The following BCO1 variants were observed in gnomAD, a reference collection of about 807,000 sequenced individuals.
BCO1 encodes the protein beta,beta-carotene 15,15'-dioxygenase.
In BCO1, 54 loss-of-function variants were observed where a neutral mutation model predicts 56.3. The observed-to-expected ratio is 0.96, with a 90% CI of 0.77 to 1.20. The LOEUF is 1.20. Among genes scored for constraint, BCO1 ranks in the 50% most tolerant of loss-of-function variants. The pLI is 0.00. For missense variants in BCO1, 801 were observed against 690.9 expected (o/e 1.16, Z -1.79); for synonymous variants, 318 against 266.1 (o/e 1.20, Z -1.90).
In BCO1 at chr16:81,287,300, A is replaced by G. The variant is rs1388641693; in HGVS notation, c.1308A>G (p.Ile436Met). Reference protein sequence around the residue: ...VQWSPIPTKIIKYDILTKSSL... With the variant: ...VQWSPIPTKIMKYDILTKSSL... ...TTTCCTCGTTGGATGTACAGATAATAAAATATGACATTCTCACAAAGTCAT... is the reference window on the plus strand; with the variant it reads ...TTTCCTCGTTGGATGTACAGATAATGAAATATGACATTCTCACAAAGTCAT... The change falls in exon 10 of 11, where the codon ATA becomes ATG. Residue 436 changes from isoleucine to methionine, a missense_variant. By Grantham distance (10) the Ile-to-Met change is conservative. Coordinates refer to ENST00000258168, the MANE Select transcript of BCO1 (RefSeq NM_017429.3). The G allele has an allele frequency of 8.1e-6, 13 of 1,610,842 alleles. No individual in the cohort carries two copies. Among genetic ancestry groups the G allele is most frequent in the Non-Finnish European group, 1.1e-5 (13 of 1,177,122 alleles).
intron 6 of BCO1, 55 bp from the exon 7 acceptor site, chr16:81,270,104 A>C (rs1195752398): frequency 6.2e-7 from 1 of 1,610,492 alleles, no homozygotes; most frequent in Non-Finnish European, 8.5e-7. Context: ...CCCAGATGCC[A>C]CAGTGCCAGG....
intron 3 of BCO1, 142 bp downstream of exon 3, chr16:81,259,947 C>T (rs1345218102): frequency 7.6e-6 from 8 of 1,057,980 alleles, no homozygotes; most frequent in Middle Eastern, 2.8e-4. Flanking sequence ...AGAGGTGCTA[C>T]ACAGTTCTTG....
At position 81,262,319 on chromosome 16, in the gene BCO1, C is replaced by T. The variant is rs769062936; in HGVS notation, c.471+36C>T. 4 of 1,602,694 alleles carry T rather than the reference C, an allele frequency of 2.5e-6. No individual in the cohort carries two copies. In the Admixed American group the frequency reaches 5.0e-5, roughly 20 times the overall value. Reference sequence around the variant, plus strand: ...ATATGTAACCAGCATCACTTCCTGACTCAAGAAAGGGAGAGTCGGCGACGG... The same window carrying T: ...ATATGTAACCAGCATCACTTCCTGATTCAAGAAAGGGAGAGTCGGCGACGG... On this transcript the variant is annotated intron_variant, in intron 4 of 10. Coordinates refer to ENST00000258168, the MANE Select transcript of BCO1 (RefSeq NM_017429.3).
At chr16:81,271,770 G>C (rs1413091787) in intron 7 of BCO1, among the ~76,000 whole-genome samples, 2 of 152,032 alleles carry the variant, frequency 1.3e-5, no homozygotes, top group African/African-American at 4.8e-5. Context: ...TGTTTGTTTT[G>C]AGACAGTCTC....
intron 7 of BCO1, among the ~76,000 whole-genome samples, chr16:81,270,822 G>C (rs899812830): frequency 6.6e-6 from 1 of 151,676 alleles, no homozygotes; most frequent in African/African-American, 2.4e-5. Flanking sequence ...TCTGCTCGCT[G>C]CAAGCTCCAC....
chr16:81,256,699 C>G lies in BCO1; in HGVS notation c.194-2977C>G, dbSNP rs189805518. ...GCTTAGGAGTTTGAGACCAGCCCGG[C>G]CAACAGAGTAAAACCTCGTCTCTAC... On this transcript the variant is annotated intron_variant, in intron 2 of 10. Coordinates refer to ENST00000258168, the MANE Select transcript of BCO1 (RefSeq NM_017429.3). Among the ~76,000 whole-genome samples, 71 of 152,160 alleles carry G rather than the reference C, an allele frequency of 4.7e-4. 1 individual carries two copies. The highest frequency in any genetic ancestry group is 2.1e-3 in the South Asian group (10 of 4,812).
intron 2 of BCO1, among the ~76,000 whole-genome samples, chr16:81,252,736 G>A (rs1471423459): frequency 6.6e-6 from 1 of 152,198 alleles, no homozygotes; most frequent in Non-Finnish European, 1.5e-5. Context: ...GTGAGTATGT[G>A]TGGCCTTGCT....
At chr16:81,284,637 C>T (rs934645414) in intron 8 of BCO1, among the ~76,000 whole-genome samples, 2 of 151,888 alleles carry the variant, frequency 1.3e-5, no homozygotes, top group Non-Finnish European at 1.5e-5. Flanking sequence ...CACAGCTTCC[C>T]ATTCTGTTTT....
In BCO1 at chr16:81,290,701, A is replaced by G; in HGVS notation, c.*124A>G. The G allele has an allele frequency of 1.4e-6, 1 of 736,452 alleles. No homozygotes were observed. The highest frequency in any genetic ancestry group is 2.2e-6 in the Non-Finnish European group (1 of 446,962). The allele number at this position is 736,452 out of a possible 1,614,324, so 45.6% of individuals were successfully genotyped here. Reference sequence around the variant, plus strand: ...TTATTCTTTCTGTGGGTGCTTTGACAAGGGCATGGCAAGAGAGCTTGTCAG... The same window carrying G: ...TTATTCTTTCTGTGGGTGCTTTGACGAGGGCATGGCAAGAGAGCTTGTCAG... On this transcript the variant is annotated 3_prime_UTR_variant, in exon 11 of 11. Transcript: ENST00000258168.
intron 1 of BCO1, among the ~76,000 whole-genome samples, chr16:81,239,911 T>C (rs1052499927): frequency 1.3e-5 from 2 of 152,160 alleles, no homozygotes; most frequent in Admixed American, 6.6e-5. Flanking sequence ...TCGCTCAGTT[T>C]TAAGAACAGC....
intron 5 of BCO1, 110 bp from the exon 6 acceptor site, chr16:81,267,798 T>G: frequency 2.2e-6 from 2 of 905,956 alleles, no homozygotes; most frequent in Non-Finnish European, 3.5e-6. Flanking sequence ...TGCTGTTTAA[T>G]GTAAAGGTTT....
rs533317158 is a variant in BCO1, at chr16:81,267,972, C to T, written c.684C>T (p.Arg228=). The part of the protein sequence containing the change: ...HTEVFCSIPS[R]SLLSPSYYHS... ...AGGTGTTCTGCTCCATCCCATCCCG[C>T]TCCCTGCTCTCCCCAAGCTACTACC... is the stretch of plus-strand genomic sequence containing the variant. Residue 228 remains arginine (R), a synonymous_variant, in exon 6 of 11, where the codon CGC becomes CGT. Transcript: ENST00000258168. 89 of 1,614,034 alleles carry T rather than the reference C, an allele frequency of 5.5e-5. 1 individual carries two copies. The East Asian group carries it at 1.9e-3, about 35-fold the overall frequency.
intron 6 of BCO1, among the ~76,000 whole-genome samples, chr16:81,268,722 C>T (rs1020871702): frequency 7.9e-5 from 12 of 152,062 alleles, no homozygotes; most frequent in African/African-American, 9.7e-5. Flanking sequence ...AATACATGTA[C>T]GTGTGCATGG....
intron 2 of BCO1, among the ~76,000 whole-genome samples, chr16:81,255,170 C>T (rs532189902): frequency 8.3e-4 from 126 of 152,324 alleles, no homozygotes; most frequent in African/African-American, 2.7e-3. Context: ...TCAAGCTGCA[C>T]ATCTCTGTAG....
At chr16:81,245,400 C>G in intron 1 of BCO1, 75 bp from the exon 2 acceptor site, 1 of 1,610,526 alleles carries the variant, frequency 6.2e-7, no homozygotes, top group East Asian at 2.2e-5. Flanking sequence ...TCTCAAATTC[C>G]TTTCCATGAC....
chr16:81,242,857 G>A (rs1232690157), intron 1 of BCO1, among the ~76,000 whole-genome samples: 1 of 152,044 alleles, frequency 6.6e-6, no homozygotes, highest in Non-Finnish European at 1.5e-5. Context: ...TCTCATATGA[G>A]TGCAAACCCT....
At chr16:81,268,417 C>G (rs1351466786) in intron 6 of BCO1, among the ~76,000 whole-genome samples, 1 of 152,172 alleles carries the variant, frequency 6.6e-6, no homozygotes, top group Non-Finnish European at 1.5e-5. Flanking sequence ...TGCCCAGCAG[C>G]AAAAGGAGTG....
At chr16:81,266,518 G>A (rs890843962) in intron 5 of BCO1, among the ~76,000 whole-genome samples, 3 of 152,160 alleles carry the variant, frequency 2.0e-5, no homozygotes, top group African/African-American at 7.2e-5. Context: ...ACTGCCTGGA[G>A]ATATGAGCCT....
At chr16:81,285,488 G>C in intron 8 of BCO1, 52 bp from the exon 9 acceptor site, 1 of 1,326,062 alleles carries the variant, frequency 7.5e-7, no homozygotes. Context: ...AAGGGTGGAT[G>C]CTCCCAGCCC....
Sources: allele counts gnomAD v4.1 joint callset (sites outside exome capture counted in the v4.1 genomes callset), GRCh38; gene constraint gnomAD v4.1.1; transcripts MANE v1.5; gene names NCBI Gene and HGNC (gene_info 2026-07-23, HGNC 2026-07-21).